The following TLK1 variants were observed in gnomAD, a reference collection of about 807,000 sequenced individuals.
The protein encoded by TLK1 is tousled like kinase 1.
TLK1 carries 24 observed loss-of-function variants against 105.3 expected under a neutral mutation model. The ratio of observed to expected loss-of-function variants is 0.23; its 90% CI spans 0.17 to 0.32. The LOEUF (loss-of-function observed/expected upper bound fraction) is 0.32. Ranked by LOEUF, TLK1 falls within the 10% of genes least tolerant of loss-of-function variation. TLK1 has a pLI of 1.00. For synonymous variants in TLK1, 321 were observed against 310.4 expected, an observed-to-expected ratio of 1.03 and a Z score of -0.36; for missense variants, 558 against 910.5, an observed-to-expected ratio of 0.61 and a Z score of 4.98.
intron 10 of TLK1, among the ~76,000 whole-genome samples, chr2:171,048,699 G>A (rs1032453202): frequency 4.7e-4 from 17 of 35,868 alleles, no homozygotes; most frequent in African/African-American, 8.1e-4. Context: ...CAGATATGTT[G>A]AAGAAAAGTT....
intron 2 of TLK1, among the ~76,000 whole-genome samples, chr2:171,108,782 G>C (rs1440618802): frequency 6.6e-6 from 1 of 151,932 alleles, no homozygotes; most frequent in African/African-American, 2.4e-5. Flanking sequence ...GTTTTGTAGA[G>C]ATAGGGTTTC....
intron 12 of TLK1, among the ~76,000 whole-genome samples, chr2:171,019,691 T>C (rs567011270): frequency 1.3e-5 from 2 of 152,138 alleles, no homozygotes; most frequent in African/African-American, 2.4e-5. Flanking sequence ...TGGGAGTTGG[T>C]AGAAGAATAT....
intron 1 of TLK1, among the ~76,000 whole-genome samples, chr2:171,153,314 A>ACATGTG (rs1417222831): frequency 6.6e-6 from 1 of 152,220 alleles, no homozygotes; most frequent in Non-Finnish European, 1.5e-5. Flanking sequence ...ATAAGAATTA[A>ACATGTG]CATGTGCGAA....
At chr2:171,194,820 G>GAA (rs370489277) in intron 1 of TLK1, among the ~76,000 whole-genome samples, 32 of 94,380 alleles carry the variant, frequency 3.4e-4, no homozygotes, top group South Asian at 1.7e-3. Flanking sequence ...CCGTCTCAGG[G>GAA]AAAAAAAAAA....
At chr2:171,014,780 G>T in intron 13 of TLK1, 71 bp downstream of exon 13, 1 of 1,112,492 alleles carries the variant, frequency 9.0e-7, no homozygotes, top group Non-Finnish European at 1.4e-6. Context: ...AGGAAATATT[G>T]TGTTTATGCT....
At chr2:171,210,716 T>C (rs535622455) in intron 1 of TLK1, among the ~76,000 whole-genome samples, 1 of 152,308 alleles carries the variant, frequency 6.6e-6, no homozygotes, top group South Asian at 2.1e-4. Context: ...TCCTTATATC[T>C]GAACCACCTA....
At chr2:171,137,009 C>T (rs148939929) in intron 1 of TLK1, among the ~76,000 whole-genome samples, 22 of 152,340 alleles carry the variant, frequency 1.4e-4, no homozygotes, top group Non-Finnish European at 2.9e-4. Flanking sequence ...AAGCACCTGT[C>T]GTAGTTGTGA....
chr2:171,031,151 C>A (rs941052087), intron 11 of TLK1, among the ~76,000 whole-genome samples: 3 of 152,210 alleles, frequency 2.0e-5, no homozygotes, highest in African/African-American at 7.2e-5. Flanking sequence ...AGAATGCAAA[C>A]CCCCAAATGA....
chr2:171,220,829 C>T (rs1287790125), intron 1 of TLK1, among the ~76,000 whole-genome samples: 4 of 152,016 alleles, frequency 2.6e-5, no homozygotes, highest in African/African-American at 9.7e-5. Flanking sequence ...CCTAAAAACC[C>T]TATCCTAAAC....
chr2:171,193,637 G>A (rs1356135610), intron 1 of TLK1, among the ~76,000 whole-genome samples: 2 of 148,254 alleles, frequency 1.3e-5, no homozygotes, highest in Admixed American at 6.8e-5. Flanking sequence ...TCCTGACCTC[G>A]TGATCCGCCC....
chr2:171,164,513 T>C (rs542177779), upstream of TLK1, among the ~76,000 whole-genome samples: 1 of 151,782 alleles, frequency 6.6e-6, no homozygotes, highest in African/African-American at 2.4e-5. Context: ...ACTGGAAGGA[T>C]GTGCCCCAAA....
rs1178084939 is a variant in TLK1, at chr2:170,998,046, T to TTCTC, written c.1905-224_1905-223insGAGA. ...TGATAAAGTTCATCTCTATCTATCTTTATCTATCTATCTATCTATCTATCT... is the reference window on the plus strand; with the variant it reads ...TGATAAAGTTCATCTCTATCTATCTTTCTCTATCTATCTATCTATCTATCTATCT... On this transcript the variant is annotated intron_variant, in intron 18 of 20. Transcript: ENST00000431350. Among the ~76,000 whole-genome samples the TTCTC allele has an allele frequency of 4.7e-4, 69 of 147,650 alleles. 1 individual carries two copies. Among genetic ancestry groups the TTCTC allele is most frequent in the Admixed American group, 2.7e-3 (39 of 14,524 alleles).
chr2:171,198,738 G>C (rs952043354), intron 1 of TLK1, among the ~76,000 whole-genome samples: 1 of 152,208 alleles, frequency 6.6e-6, no homozygotes, highest in African/African-American at 2.4e-5. Flanking sequence ...ACTCTGCATG[G>C]TGAGGAAATT....
chr2:171,143,809 G>T (rs1188435696), intron 1 of TLK1, among the ~76,000 whole-genome samples: 1 of 151,854 alleles, frequency 6.6e-6, no homozygotes, highest in African/African-American at 2.4e-5. Context: ...GAGACCTATA[G>T]AAAACAAAAC....
chr2:171,050,304 GAAA>G (rs72027962), intron 8 of TLK1, 130 bp from the exon 9 acceptor site: 2 of 417,032 alleles, frequency 4.8e-6, no homozygotes, highest in African/African-American at 2.2e-5. Context: ...TATGATACGA[GAAA>G]AAAAAAAAGC....
At chr2:171,059,911 G>T in intron 4 of TLK1, 1 of 1,303,884 alleles carries the variant, frequency 7.7e-7, no homozygotes, top group Non-Finnish European at 1.1e-6. Flanking sequence ...ATGCTCACTG[G>T]CCCGCTGCTC....
At chr2:171,028,295 C>A in intron 12 of TLK1, 44 bp downstream of exon 12, 1 of 1,375,058 alleles carries the variant, frequency 7.3e-7, no homozygotes, top group South Asian at 1.2e-5. Context: ...CCCACAAATT[C>A]TGGTAGCAAA....
At chr2:170,998,998 T>C (rs1684221565) in intron 18 of TLK1, among the ~76,000 whole-genome samples, 1 of 152,174 alleles carries the variant, frequency 6.6e-6, no homozygotes. Flanking sequence ...ACTACTGGCC[T>C]TACGTGATCC....
At chr2:171,089,692 C>T (rs533291347) in intron 2 of TLK1, among the ~76,000 whole-genome samples, 1 of 152,136 alleles carries the variant, frequency 6.6e-6, no homozygotes, top group Admixed American at 6.5e-5. Flanking sequence ...TTTTAAGAGA[C>T]CAGGTCTTGC....
Sources: gnomAD v4.1 joint callset for allele counts (sites outside exome capture counted in the v4.1 genomes callset) on GRCh38, gnomAD v4.1.1 for gene constraint, MANE v1.5 for transcripts, NCBI Gene and HGNC (gene_info 2026-07-23, HGNC 2026-07-21) for gene names.